NHLRC2: variants seen among roughly 807,000 people sequenced by gnomAD.
The protein encoded by NHLRC2 is NHL repeat-containing protein 2.
Under a neutral mutation model 68.1 loss-of-function variants are expected in NHLRC2, and 33 were observed. The ratio of observed to expected loss-of-function variants is 0.48; its 90% CI spans 0.37 to 0.65. The LOEUF is 0.65. NHLRC2 is among the 30% of genes least tolerant of loss of function. NHLRC2 has a pLI of 0.00. For missense variants in NHLRC2, 761 were observed against 853.8 expected, an observed-to-expected ratio of 0.89 and a Z score of 1.35; for synonymous variants, 311 against 309.6, an observed-to-expected ratio of 1.00 and a Z score of -0.05.
chr10:113,902,449 T>C, intron 7 of NHLRC2, 22 bp from the exon 8 acceptor site: 11 of 1,497,942 alleles, frequency 7.3e-6, no homozygotes, highest in Non-Finnish European at 1.0e-5. Flanking sequence ...TGCTGTTTCT[T>C]TTCTTTTAAA....
chr10:113,855,806 C>G lies in NHLRC2; in HGVS notation c.178+756C>G, dbSNP rs17228623. ...GAGCCACCGCGCCCGGCCTGCCACA[C>G]ACAGTCCTAAACACTTGAGGGGATA... On this transcript the variant is annotated intron_variant, in intron 1 of 10. Coordinates refer to ENST00000369301, the MANE Select transcript of NHLRC2 (RefSeq NM_198514.4). Among the ~76,000 whole-genome samples, 887 of 152,260 alleles carry G rather than the reference C, an allele frequency of 5.8e-3. 9 individuals carry two copies. The highest frequency in any genetic ancestry group is 0.019 in the African/African-American group (806 of 41,572).
chr10:113,865,761 C>A (rs1845862150), intron 2 of NHLRC2, among the ~76,000 whole-genome samples: 1 of 151,874 alleles, frequency 6.6e-6, no homozygotes, highest in Non-Finnish European at 1.5e-5. Flanking sequence ...ATGTGAAAAT[C>A]CTGATAACTT....
rs747427238 is a variant in NHLRC2 at position 113,915,152 on chromosome 10, C to T, written c.*6616C>T. The T allele has an allele frequency of 2.2e-6, 1 of 456,190 alleles. No individual in the cohort carries two copies. Among genetic ancestry groups the T allele is most frequent in the Non-Finnish European group, 4.4e-6 (1 of 226,990 alleles). The allele number at this position is 456,190 out of a possible 1,614,324, so 28.3% of individuals were successfully genotyped here. ...TTTGCCTGGTTGTATTGGTGTGTCCCTCTTCTTCACTGGCATGTCGCTTTC... is the reference window on the plus strand; with the variant it reads ...TTTGCCTGGTTGTATTGGTGTGTCCTTCTTCTTCACTGGCATGTCGCTTTC... On this transcript the variant is annotated 3_prime_UTR_variant, in exon 11 of 11. Coordinates refer to ENST00000369301, the MANE Select transcript of NHLRC2 (RefSeq NM_198514.4).
At chr10:113,858,448 A>T in intron 1 of NHLRC2, 80 bp from the exon 2 acceptor site, 1 of 938,230 alleles carries the variant, frequency 1.1e-6, no homozygotes, top group Non-Finnish European at 1.6e-6. Flanking sequence ...TTAAAAAAAA[A>T]GGTCACATTT....
intron 2 of NHLRC2, among the ~76,000 whole-genome samples, chr10:113,860,509 C>A (rs915731435): frequency 6.6e-6 from 1 of 151,812 alleles, no homozygotes; most frequent in African/African-American, 2.4e-5. Flanking sequence ...ACACAAAGAA[C>A]AGGGAAGTAC....
intron 5 of NHLRC2, among the ~76,000 whole-genome samples, chr10:113,897,485 G>A (rs1452863607): frequency 6.6e-6 from 1 of 152,150 alleles, no homozygotes; most frequent in Non-Finnish European, 1.5e-5. Context: ...AAATGATCAT[G>A]GCTAACATTT....
Position 113,908,738 on chromosome 10 carries a change from A to G in NHLRC2, c.*202A>G, listed in dbSNP as rs1846297410. On this transcript the variant is annotated 3_prime_UTR_variant, in exon 11 of 11. Transcript: ENST00000369301. ...AACAAATTCCTTTGCTTTGGCTGATACTAGCTGAGTCATTGATCATCATTG... is the reference window on the plus strand; with the variant it reads ...AACAAATTCCTTTGCTTTGGCTGATGCTAGCTGAGTCATTGATCATCATTG... The G allele has an allele frequency of 3.5e-6, 2 of 578,614 alleles. No homozygotes were observed. Among genetic ancestry groups the G allele is most frequent in the Non-Finnish European group, 6.1e-6 (2 of 327,088 alleles). The allele number at this position is 578,614 out of a possible 1,614,324, so 35.8% of individuals were successfully genotyped here. A position where few individuals can be genotyped will look rare whatever the true frequency, so the allele number is the denominator to read the frequency against.
rs762719104 is a variant in NHLRC2 at position 113,898,222 on chromosome 10, C to G, written c.1139+13C>G. Reference sequence around the variant, plus strand: ...TGCCAAAGAAAAAGTAAGTGACAGCCTCTCTCTTTGAGTAGACTGTACTAC... The same window carrying G: ...TGCCAAAGAAAAAGTAAGTGACAGCGTCTCTCTTTGAGTAGACTGTACTAC... On this transcript the variant is annotated intron_variant, in intron 6 of 10. Coordinates refer to ENST00000369301, the MANE Select transcript of NHLRC2 (RefSeq NM_198514.4). 5.0e-5 allele frequency: 78 copies of G among 1,561,790 alleles called. 1 individual carries two copies. Among genetic ancestry groups the G allele is most frequent in the Non-Finnish European group, 6.3e-5 (71 of 1,132,822 alleles).
intron 2 of NHLRC2, among the ~76,000 whole-genome samples, chr10:113,871,258 A>G (rs1021395634): frequency 5.3e-5 from 8 of 152,096 alleles, no homozygotes. Flanking sequence ...TCCCGACCTC[A>G]GGTGATCAGC....
intron 5 of NHLRC2, among the ~76,000 whole-genome samples, chr10:113,893,408 T>G (rs2134726723): frequency 6.6e-6 from 1 of 152,352 alleles, no homozygotes; most frequent in Admixed American, 6.5e-5. Context: ...AGCAAATTAT[T>G]TAGCCTCTTT....
chr10:113,858,510 A>G lies in NHLRC2; in HGVS notation c.179-18A>G, dbSNP rs754450007. 1.9e-6 allele frequency: 3 copies of G among 1,542,986 alleles called. No individual in the cohort carries two copies. Among genetic ancestry groups the G allele is most frequent in the African/African-American group, 2.8e-5 (2 of 72,668 alleles). ...TCTTTCTCTTTAATCATTGTAATTT[A>G]TTTTATGTAAATTTCAGGATTAGAA... On this transcript the variant is annotated intron_variant, in intron 1 of 10. Transcript: ENST00000369301.
intron 5 of NHLRC2, among the ~76,000 whole-genome samples, chr10:113,897,450 T>C (rs545689098): frequency 2.0e-5 from 3 of 152,226 alleles, no homozygotes; most frequent in Admixed American, 2.0e-4. Flanking sequence ...AGTACAAATA[T>C]GTAAAATTAA....
chr10:113,886,869 A>G (rs1354273628), intron 5 of NHLRC2, among the ~76,000 whole-genome samples: 1 of 152,232 alleles, frequency 6.6e-6, no homozygotes, highest in Non-Finnish European at 1.5e-5. Context: ...AAAATAGACC[A>G]GTGGGATTGC....
rs77202436 is a variant in NHLRC2 at position 113,915,974 on chromosome 10, A to G, written c.*7438A>G. Reference sequence around the variant, plus strand: ...AATGTGTGCTAAGCTTGTGAAAAATATATGTTGAGGTAAATAGGGCAAAAC... The same window carrying G: ...AATGTGTGCTAAGCTTGTGAAAAATGTATGTTGAGGTAAATAGGGCAAAAC... On this transcript the variant is annotated 3_prime_UTR_variant, in exon 11 of 11. Transcript: ENST00000369301. 6.6e-6 allele frequency: 1 copy of G among 152,192 alleles called. No homozygotes were observed. The highest frequency in any genetic ancestry group is 1.5e-5 in the Non-Finnish European group (1 of 68,036). The allele number at this position is 152,192 out of a possible 1,614,324, so 9.4% of individuals were successfully genotyped here. A position where few individuals can be genotyped will look rare whatever the true frequency, so the allele number is the denominator to read the frequency against.
At chr10:113,889,191 A>T (rs1037687343) in intron 5 of NHLRC2, among the ~76,000 whole-genome samples, 2 of 152,172 alleles carry the variant, frequency 1.3e-5, no homozygotes, top group African/African-American at 4.8e-5. Flanking sequence ...TATAGAAAGG[A>T]TAACGTGCCA....
chr10:113,896,360 T>C (rs1193060916), intron 5 of NHLRC2, among the ~76,000 whole-genome samples: 2 of 152,002 alleles, frequency 1.3e-5, no homozygotes, highest in Non-Finnish European at 2.9e-5. Context: ...GTTCATGTCC[T>C]TTGTAGGGAC....
intron 5 of NHLRC2, among the ~76,000 whole-genome samples, chr10:113,893,254 G>T (rs117368069): frequency 0.022 from 3,349 of 152,226 alleles, 57 homozygotes; most frequent in Non-Finnish European, 0.034. Context: ...AGCTAAGTCT[G>T]CATGGGTCAG....
At chr10:113,879,110 T>G (rs867859386) in intron 3 of NHLRC2, among the ~76,000 whole-genome samples, 4 of 152,192 alleles carry the variant, frequency 2.6e-5, no homozygotes, top group Non-Finnish European at 5.9e-5. Flanking sequence ...AGAAGGATTC[T>G]TAATCTGGGG....
At chr10:113,874,307 A>T (rs994065015) in intron 2 of NHLRC2, among the ~76,000 whole-genome samples, 4 of 152,162 alleles carry the variant, frequency 2.6e-5, no homozygotes, top group African/African-American at 9.7e-5. Context: ...GAGAAAACAG[A>T]TGAACAGGTT....
Sources: allele counts gnomAD v4.1 joint callset (sites outside exome capture counted in the v4.1 genomes callset), GRCh38; gene constraint gnomAD v4.1.1; transcripts MANE v1.5; gene names NCBI Gene and HGNC (gene_info 2026-07-23, HGNC 2026-07-21).